FHOD3: variants seen among roughly 807,000 people sequenced by gnomAD.
FHOD3 encodes FH1/FH2 domain-containing protein 3.
FHOD3 carries 90 observed loss-of-function variants against 173.0 expected under a neutral mutation model. The ratio of observed to expected loss-of-function variants is 0.52; its 90% CI spans 0.44 to 0.62. The LOEUF (loss-of-function observed/expected upper bound fraction) is 0.62, where lower values mean the gene tolerates loss of function less well. Among genes scored for constraint, FHOD3 ranks in the 20% least tolerant of loss-of-function variants. FHOD3 has a pLI of 0.00. For missense variants in FHOD3, 1,945 were observed against 2,034.7 expected (o/e 0.96, Z 0.85); for synonymous variants, 828 against 823.0 (o/e 1.01, Z -0.10).
chr18:36,584,617 A>T (rs560618381), intron 6 of FHOD3, among the ~76,000 whole-genome samples: 2 of 152,238 alleles, frequency 1.3e-5, no homozygotes, highest in African/African-American at 4.8e-5. Flanking sequence ...ATTAAGACTA[A>T]TTTTTTTATA....
intron 5 of FHOD3, among the ~76,000 whole-genome samples, chr18:36,567,153 C>CA (rs1405858643): frequency 6.6e-6 from 1 of 152,160 alleles, no homozygotes; most frequent in Non-Finnish European, 1.5e-5. Flanking sequence ...GAAGGGAAGT[C>CA]AAAATCCTTC....
intron 1 of FHOD3, among the ~76,000 whole-genome samples, chr18:36,300,711 C>G (rs566664997): frequency 4.6e-4 from 70 of 152,004 alleles, no homozygotes; most frequent in African/African-American, 1.6e-3. Context: ...CCTGCACATT[C>G]AAGCCCCTGA....
chr18:36,324,269 A>T lies in FHOD3; in HGVS notation c.165+26269A>T, dbSNP rs2044551293. Among the ~76,000 whole-genome samples, 6 of 152,272 alleles carry T rather than the reference A, an allele frequency of 3.9e-5. 1 individual carries two copies. The South Asian group carries it at 1.2e-3, about 31-fold the overall frequency. ...TGACTTAAAGGTGAAAGGTAAAACA[A>T]TAAAGCCCCTAGGAGATAACAAAGG... On this transcript the variant is annotated intron_variant, in intron 1 of 28. Transcript: ENST00000590592.
At chr18:36,316,768 A>C (rs2044148501) in intron 1 of FHOD3, among the ~76,000 whole-genome samples, 1 of 152,050 alleles carries the variant, frequency 6.6e-6, no homozygotes, top group Non-Finnish European at 1.5e-5. Context: ...ACATGTGCAC[A>C]ATGTGCAGGT....
intron 27 of FHOD3, 71 bp downstream of exon 27, chr18:36,760,853 C>A: frequency 2.0e-6 from 3 of 1,463,750 alleles, no homozygotes; most frequent in Non-Finnish European, 2.7e-6. Flanking sequence ...CGGTCTCCAT[C>A]GCAGGCTGCG....
intron 25 of FHOD3, among the ~76,000 whole-genome samples, chr18:36,756,324 GA>G (rs764222925): frequency 1.3e-5 from 2 of 152,092 alleles, no homozygotes; most frequent in Non-Finnish European, 2.9e-5. Context: ...TCTAGAGTGT[GA>G]TTTTTTTTCA....
intron 5 of FHOD3, among the ~76,000 whole-genome samples, chr18:36,567,623 T>C (rs2058311615): frequency 6.6e-6 from 1 of 152,208 alleles, no homozygotes; most frequent in Non-Finnish European, 1.5e-5. Flanking sequence ...AGGAGGCAGA[T>C]TGGGGAAGAA....
intron 3 of FHOD3, among the ~76,000 whole-genome samples, chr18:36,410,653 G>A (rs902192350): frequency 6.6e-6 from 1 of 152,016 alleles, no homozygotes; most frequent in Non-Finnish European, 1.5e-5. Context: ...TTACCAATGT[G>A]GTAAGAATTT....
Position 36,602,716 on chromosome 18 carries a change from A to G in FHOD3, c.761A>G (p.Lys254Arg), listed in dbSNP as rs776638745. 1 of 1,614,172 alleles carries G rather than the reference A, an allele frequency of 6.2e-7. No homozygotes were observed. The highest frequency in any genetic ancestry group is 8.5e-7 in the Non-Finnish European group (1 of 1,180,032). ...AATATCATGGAAATCCTGGAGGAAA[A>G]AGATGGAGTTGATACGGAGCTACTG... is the stretch of plus-strand genomic sequence containing the variant. ...WSNIMEILEE[K>R]DGVDTELLVY... The change falls in exon 8 of 29, where the codon AAA (lysine) becomes AGA (arginine). Residue 254 changes from lysine (K) to arginine (R), a missense_variant. Lys to Arg is a conservative substitution (Grantham distance 26). Coordinates refer to ENST00000590592, the MANE Select transcript of FHOD3 (RefSeq NM_001281740.3).
At chr18:36,375,811 T>G (rs1470653567) in intron 3 of FHOD3, among the ~76,000 whole-genome samples, 1 of 152,210 alleles carries the variant, frequency 6.6e-6, no homozygotes, top group Non-Finnish European at 1.5e-5. Flanking sequence ...GGAATGAGAT[T>G]TTGGTATAGA....
At chr18:36,758,830 C>T (rs528493660) in intron 25 of FHOD3, among the ~76,000 whole-genome samples, 3 of 152,302 alleles carry the variant, frequency 2.0e-5, no homozygotes, top group African/African-American at 7.2e-5. Context: ...GTCAGGGAAT[C>T]GAGTTAGCTG....
chr18:36,355,147 T>TC (rs775635462), intron 1 of FHOD3, among the ~76,000 whole-genome samples: 1 of 152,154 alleles, frequency 6.6e-6, no homozygotes, highest in Non-Finnish European at 1.5e-5. Context: ...CAGCATATTT[T>TC]CCCCACCAAA....
At chr18:36,414,682 G>A (rs7242885) in intron 3 of FHOD3, among the ~76,000 whole-genome samples, 31,560 of 152,132 alleles carry the variant, frequency 0.21, 3,746 homozygotes, top group East Asian at 0.62. Flanking sequence ...CAACAGTGGC[G>A]GCAGTAGAAG....
At chr18:36,513,911 G>A (rs2055803556) in intron 5 of FHOD3, among the ~76,000 whole-genome samples, 1 of 151,866 alleles carries the variant, frequency 6.6e-6, no homozygotes, top group South Asian at 2.1e-4. Context: ...CTGCGGAGTT[G>A]GCTCTTTTTG....
intron 14 of FHOD3, among the ~76,000 whole-genome samples, chr18:36,671,016 T>C (rs2037497458): frequency 6.6e-6 from 1 of 152,238 alleles, no homozygotes; most frequent in South Asian, 2.1e-4. Context: ...CTCTCTGCCT[T>C]ATATAATTTC....
At position 36,652,853 on chromosome 18, in the gene FHOD3, C is replaced by CACCTCTTCT. The variant is rs1568554195; in HGVS notation, c.1571_1579dup (p.Phe526_Ser527insTyrLeuPhe). 1.3e-6 allele frequency: 2 copies of CACCTCTTCT among 1,535,996 alleles called. No individual in the cohort carries two copies. The highest frequency in any genetic ancestry group is 1.7e-6 in the Non-Finnish European group (2 of 1,146,720). On this transcript the variant is annotated inframe_insertion, in exon 12 of 29. Coordinates refer to ENST00000590592, the MANE Select transcript of FHOD3 (RefSeq NM_001281740.3). ...GCCCTACGTGCCCCACAGCCCCTTC[C>CACCTCTTCT]ACCTCTTCTCCTATGACTTTGAGGA...
In FHOD3 at chr18:36,468,122, G is replaced by A. The variant is rs562849942; in HGVS notation, c.338-33810G>A. ...TTCTGGGAGCCGAGAGGGGAAGAAA[G>A]GCAGTGAGAACAAGCAAGGGTCGAA... On this transcript the variant is annotated intron_variant, in intron 3 of 28. Transcript: ENST00000590592. Among the ~76,000 whole-genome samples the A allele has an allele frequency of 3.3e-5, 5 of 152,288 alleles. No homozygotes were observed. The South Asian group carries it at 1.0e-3, about 32-fold the overall frequency.
At chr18:36,742,441 G>A (rs1301976616) in intron 21 of FHOD3, among the ~76,000 whole-genome samples, 2 of 152,114 alleles carry the variant, frequency 1.3e-5, no homozygotes, top group East Asian at 1.9e-4. Flanking sequence ...AAGAGTGTCC[G>A]AGGAGTCAGC....
At chr18:36,603,108 C>T (rs1270946362) in intron 8 of FHOD3, among the ~76,000 whole-genome samples, 1 of 152,116 alleles carries the variant, frequency 6.6e-6, no homozygotes, top group East Asian at 1.9e-4. Context: ...AAAGCATGGC[C>T]CTGCTGACAC....
Sources: allele counts gnomAD v4.1 joint callset (sites outside exome capture counted in the v4.1 genomes callset), GRCh38; gene constraint gnomAD v4.1.1; transcripts MANE v1.5; gene names NCBI Gene and HGNC (gene_info 2026-07-23, HGNC 2026-07-21).